Variants in RFX4 observed in about 807,000 individuals in gnomAD.
RFX4 encodes transcription factor RFX4.
RFX4 carries 10 observed loss-of-function variants against 95.0 expected under a neutral mutation model. That is an observed-to-expected ratio of 0.11 (90% confidence interval 0.06 to 0.18). RFX4 has a LOEUF of 0.18. RFX4 is among the 10% of genes least tolerant of loss of function. The pLI is 1.00. For synonymous variants in RFX4, 321 were observed against 340.7 expected (o/e 0.94, Z 0.64); for missense variants, 640 against 922.0 (o/e 0.69, Z 3.96).
At chr12:106,686,181 G>C (rs1017080376) in intron 5 of RFX4, among the ~76,000 whole-genome samples, 4 of 152,178 alleles carry the variant, frequency 2.6e-5, no homozygotes, top group African/African-American at 9.7e-5. Context: ...GGGAGGCCAA[G>C]GTGGGCAGAT....
chr12:106,744,277 T>C (rs1363003709), intron 15 of RFX4, among the ~76,000 whole-genome samples: 1 of 152,186 alleles, frequency 6.6e-6, no homozygotes, highest in African/African-American at 2.4e-5. Context: ...ATGGAATAGA[T>C]GTGCAAAGCA....
intron 4 of RFX4, among the ~76,000 whole-genome samples, chr12:106,676,323 A>G (rs1430534177): frequency 6.6e-6 from 1 of 152,198 alleles, no homozygotes; most frequent in East Asian, 1.9e-4. Context: ...GGAATAGTGC[A>G]ACACCAAGTA....
Position 106,709,310 on chromosome 12 carries a change from C to A in RFX4, c.834-20C>A. On this transcript the variant is annotated intron_variant, in intron 8 of 17. Coordinates refer to ENST00000392842, the MANE Select transcript of RFX4 (RefSeq NM_213594.3). ...TAAGCAACATGTGCAGCACTTAAAA[C>A]TCATCGTTTCTTTTTCTAGCTTAAC... 1 of 1,604,140 alleles carries A rather than the reference C, an allele frequency of 6.2e-7. No individual in the cohort carries two copies. Among genetic ancestry groups the A allele is most frequent in the Non-Finnish European group, 8.5e-7 (1 of 1,171,428 alleles).
chr12:106,639,284 T>C (rs1391945504), intron 2 of RFX4, 48 bp from the exon 3 acceptor site: 5 of 1,531,088 alleles, frequency 3.3e-6, no homozygotes, highest in Non-Finnish European at 4.5e-6. Flanking sequence ...TTTTACTTTT[T>C]CCTACTGTTT....
chr12:106,680,985 A>C (rs1378021538), intron 4 of RFX4: 1 of 152,198 alleles, frequency 6.6e-6, no homozygotes, highest in East Asian at 1.9e-4. Context: ...CGAGTTCCAG[A>C]GTTCTTGCAC....
intron 1 of RFX4, among the ~76,000 whole-genome samples, chr12:106,605,973 T>C (rs927981544): frequency 2.6e-5 from 4 of 152,202 alleles, no homozygotes; most frequent in South Asian, 2.1e-4. Flanking sequence ...CAGTGTGGGA[T>C]TGCACAGTGT....
chr12:106,602,217 G>A (rs1431660696), intron 1 of RFX4, among the ~76,000 whole-genome samples: 1 of 152,176 alleles, frequency 6.6e-6, no homozygotes, highest in Non-Finnish European at 1.5e-5. Context: ...CAACAGAGAT[G>A]AAGCATGTGG....
intron 4 of RFX4, among the ~76,000 whole-genome samples, chr12:106,655,149 T>C (rs1382655318): frequency 6.6e-6 from 1 of 152,136 alleles, no homozygotes; most frequent in African/African-American, 2.4e-5. Context: ...AATTCCCTTT[T>C]CAGATCCCCA....
At chr12:106,746,880 A>G (rs1219226311) in intron 15 of RFX4, among the ~76,000 whole-genome samples, 1 of 151,758 alleles carries the variant, frequency 6.6e-6, no homozygotes, top group Non-Finnish European at 1.5e-5. Flanking sequence ...CTTTCTTCCT[A>G]TCCTTCCCTT....
intron 7 of RFX4, 72 bp from the exon 8 acceptor site, chr12:106,696,211 G>A (rs2041875877): frequency 6.4e-7 from 1 of 1,564,672 alleles, no homozygotes; most frequent in East Asian, 2.2e-5. Context: ...GGTTGGCCTT[G>A]GTGGAGTCCC....
chr12:106,672,863 G>T (rs1221748536), intron 4 of RFX4, among the ~76,000 whole-genome samples: 1 of 152,010 alleles, frequency 6.6e-6, no homozygotes, highest in East Asian at 1.9e-4. Context: ...GCTCAGAGTG[G>T]GAAAAGTCTT....
At chr12:106,734,463 G>T (rs2042672630) in intron 15 of RFX4, among the ~76,000 whole-genome samples, 1 of 151,938 alleles carries the variant, frequency 6.6e-6, no homozygotes, top group Non-Finnish European at 1.5e-5. Flanking sequence ...GGGCATGGTA[G>T]CACATGCCTG....
At chr12:106,609,517 C>T (rs983645412) in intron 2 of RFX4, among the ~76,000 whole-genome samples, 1 of 152,316 alleles carries the variant, frequency 6.6e-6, no homozygotes, top group African/African-American at 2.4e-5. Context: ...AAGTGTCTTT[C>T]TTCCATGGTT....
intron 4 of RFX4, among the ~76,000 whole-genome samples, chr12:106,657,896 C>T (rs565162532): frequency 2.8e-4 from 43 of 151,974 alleles, no homozygotes; most frequent in Non-Finnish European, 5.6e-4. Flanking sequence ...GTATAGTTTT[C>T]TCTCTATATA....
chr12:106,613,338 T>C (rs78445335), intron 2 of RFX4, among the ~76,000 whole-genome samples: 2,383 of 151,050 alleles, frequency 0.016, 28 homozygotes, highest in Non-Finnish European at 0.022. Flanking sequence ...TTCTGTTTGT[T>C]AGTATTTTGC....
intron 13 of RFX4, among the ~76,000 whole-genome samples, chr12:106,725,314 C>T (rs1029071201): frequency 6.6e-6 from 1 of 152,032 alleles, no homozygotes; most frequent in East Asian, 1.9e-4. Context: ...GCGCACAGAC[C>T]CCAATTGTTA....
intron 1 of RFX4, among the ~76,000 whole-genome samples, chr12:106,584,811 C>G (rs1172243765): frequency 6.6e-6 from 1 of 152,194 alleles, no homozygotes; most frequent in South Asian, 2.1e-4. Flanking sequence ...AAGGCCCCGC[C>G]TGATTGCACT....
At chr12:106,724,050 C>T (rs2042445103) in intron 13 of RFX4, among the ~76,000 whole-genome samples, 1 of 152,140 alleles carries the variant, frequency 6.6e-6, no homozygotes, top group Admixed American at 6.5e-5. Flanking sequence ...TTAGACATTA[C>T]ATTTTCTCAA....
At chr12:106,759,528 C>A (rs2043172822) in intron 17 of RFX4, among the ~76,000 whole-genome samples, 1 of 152,198 alleles carries the variant, frequency 6.6e-6, no homozygotes, top group South Asian at 2.1e-4. Flanking sequence ...TTACTATGGT[C>A]TCACTGGGAT....
Sources: gnomAD v4.1 joint callset for allele counts (sites outside exome capture counted in the v4.1 genomes callset) on GRCh38, gnomAD v4.1.1 for gene constraint, MANE v1.5 for transcripts, NCBI Gene and HGNC (gene_info 2026-07-23, HGNC 2026-07-21) for gene names.